Variants in PON2 observed in about 807,000 individuals in gnomAD.
The protein encoded by PON2 is paraoxonase 2.
A neutral mutation model predicts 36.6 loss-of-function variants in PON2; 27 were observed. That is an observed-to-expected ratio of 0.74 (90% confidence interval 0.54 to 1.02). The LOEUF is 1.02. PON2 is among the 50% of genes least tolerant of loss of function. The pLI is 0.00. For missense variants in PON2, 363 were observed against 421.1 expected (o/e 0.86, Z 1.21); for synonymous variants, 149 against 156.3 (o/e 0.95, Z 0.35).
intron 6 of PON2, among the ~76,000 whole-genome samples, chr7:95,409,081 G>A (rs1809789834): frequency 6.6e-6 from 1 of 152,144 alleles, no homozygotes; most frequent in Non-Finnish European, 1.5e-5. Context: ...GGGAGGCTGA[G>A]GTGGGCGGAT....
chr7:95,434,566 C>G (rs914142280), intron 1 of PON2, among the ~76,000 whole-genome samples: 2 of 152,174 alleles, frequency 1.3e-5, no homozygotes, highest in Non-Finnish European at 2.9e-5. Flanking sequence ...CTAGTTTGGC[C>G]CTTGGGTAAT....
intron 3 of PON2, 147 bp from the exon 4 acceptor site, chr7:95,412,624 C>T: frequency 1.3e-6 from 1 of 769,780 alleles, no homozygotes; most frequent in Non-Finnish European, 2.1e-6. Context: ...GAAAAGATAA[C>T]AGAAAAAATA....
In PON2 at chr7:95,405,465, T is replaced by C. The variant is rs111889356; in HGVS notation, c.930A>G (p.Leu310=). ...SSEVLRIQNI[L]SEKPTVTTVY... ...CTGTAGTCACTGTAGGCTTCTCAGA[T>C]AGAATGTTCTGGATGCGGAGAACCT... Residue 310 remains leucine, a synonymous_variant, in exon 9 of 9, where the codon CTA becomes CTG. Transcript: ENST00000222572. 133 of 1,613,234 alleles carry C rather than the reference T, an allele frequency of 8.2e-5. No homozygotes were observed. In the African/African-American group the frequency reaches 1.5e-3, roughly 19 times the overall value.
intron 1 of PON2, among the ~76,000 whole-genome samples, chr7:95,430,407 T>C (rs977354289): frequency 2.0e-5 from 3 of 151,984 alleles, no homozygotes; most frequent in Admixed American, 2.0e-4. Flanking sequence ...TTCAAGTGAT[T>C]CTCCTGCCTC....
chr7:95,413,350 C>T (rs1327182395), intron 3 of PON2, among the ~76,000 whole-genome samples: 2 of 152,054 alleles, frequency 1.3e-5, no homozygotes, highest in Admixed American at 6.6e-5. Context: ...TTCTTTTTCT[C>T]GTTTTACTGA....
At chr7:95,430,934 A>C (rs1787441949) in intron 1 of PON2, among the ~76,000 whole-genome samples, 1 of 149,356 alleles carries the variant, frequency 6.7e-6, no homozygotes, top group Non-Finnish European at 1.5e-5. Context: ...CTGCTCTTTC[A>C]GAAGTAGAAA....
rs755014302 is a variant in PON2, at chr7:95,405,425, C to CA, written c.969dup (p.Gly324TrpfsTer14). 7.4e-6 allele frequency: 12 copies of CA among 1,613,656 alleles called. No homozygotes were observed. The highest frequency in any genetic ancestry group is 3.3e-5 in the Admixed American group (2 of 60,018). ...ACAGAACTTCCTTGGAGAACAGACC[C>CA]ATTGTTGGCATAAACTGTAGTCACT... On this transcript the variant is annotated frameshift_variant, in exon 9 of 9. Coordinates refer to ENST00000222572, the MANE Select transcript of PON2 (RefSeq NM_000305.3). LOFTEE classifies it high-confidence loss of function.
In PON2 at chr7:95,405,110, T is replaced by C. The variant is rs1809642357; in HGVS notation, c.*220A>G. 3.9e-6 allele frequency: 2 copies of C among 518,658 alleles called. No homozygotes were observed. Among genetic ancestry groups the C allele is most frequent in the Non-Finnish European group, 3.5e-6 (1 of 289,786 alleles). 32.1% of individuals were successfully genotyped at this position (518,658 alleles called of 1,614,324 possible). On this transcript the variant is annotated 3_prime_UTR_variant, in exon 9 of 9. Coordinates refer to ENST00000222572, the MANE Select transcript of PON2 (RefSeq NM_000305.3). Reference sequence around the variant, plus strand: ...TGTATTCACTTTATTCGAAAGCAGCTTTCTTTTCTGTCCCTTGCTTGGCAT... The same window carrying C: ...TGTATTCACTTTATTCGAAAGCAGCCTTCTTTTCTGTCCCTTGCTTGGCAT...
chr7:95,434,981 C>T lies in PON2; in HGVS notation c.-30G>A. Reference sequence around the variant, plus strand: ...CGGGAGCCGGGCGCGCTGCCTCGCTCCGGCCTGGCCAGCAGCTCCGTGGGC... The same window carrying T: ...CGGGAGCCGGGCGCGCTGCCTCGCTTCGGCCTGGCCAGCAGCTCCGTGGGC... On this transcript the variant is annotated 5_prime_UTR_variant, in exon 1 of 9. Coordinates refer to ENST00000222572, the MANE Select transcript of PON2 (RefSeq NM_000305.3). 2 of 1,512,220 alleles carry T rather than the reference C, an allele frequency of 1.3e-6. No individual in the cohort carries two copies. The highest frequency in any genetic ancestry group is 1.8e-6 in the Non-Finnish European group (2 of 1,136,412). 93.7% of individuals were successfully genotyped at this position (1,512,220 alleles called of 1,614,324 possible).
chr7:95,424,768 A>G (rs1184310478), intron 1 of PON2, among the ~76,000 whole-genome samples, 183 bp from the exon 2 acceptor site: 6 of 152,218 alleles, frequency 3.9e-5, no homozygotes, highest in African/African-American at 1.4e-4. Flanking sequence ...AAATGAAGTT[A>G]AAACAAAAAT....
chr7:95,434,981 C>A lies in PON2; in HGVS notation c.-30G>T. 1 of 1,512,220 alleles carries A rather than the reference C, an allele frequency of 6.6e-7. No individual in the cohort carries two copies. The highest frequency in any genetic ancestry group is 8.8e-7 in the Non-Finnish European group (1 of 1,136,412). 93.7% of individuals were successfully genotyped at this position (1,512,220 alleles called of 1,614,324 possible). ...CGGGAGCCGGGCGCGCTGCCTCGCT[C>A]CGGCCTGGCCAGCAGCTCCGTGGGC... On this transcript the variant is annotated 5_prime_UTR_variant, in exon 1 of 9. The change creates a premature stop within an existing upstream ORF in the 5' untranslated region. Transcript: ENST00000222572.
In PON2 at chr7:95,406,228, A is replaced by G. The variant is rs550648420; in HGVS notation, c.797T>C (p.Leu266Pro). Residue 266 changes from leucine (L) to proline (P), a missense_variant, in exon 8 of 9, where the codon CTG becomes CCG. Physicochemically the swap from Leu to Pro is moderately conservative, Grantham distance 98. Coordinates refer to ENST00000222572, the MANE Select transcript of PON2 (RefSeq NM_000305.3). ...TQLKVLELDT[L>P]VDNLSIDPSS... ...AGGATCAATAGATAAATTATCCACC[A>G]GTGTATCCAGCTCAAGTACCTTCCA... The G allele has an allele frequency of 3.1e-6, 5 of 1,611,398 alleles. No individual in the cohort carries two copies. Among genetic ancestry groups the G allele is most frequent in the Non-Finnish European group, 4.2e-6 (5 of 1,177,668 alleles).
intron 3 of PON2, chr7:95,412,799 C>T (rs1478569232): frequency 1.6e-5 from 6 of 383,170 alleles, no homozygotes; most frequent in African/African-American, 8.3e-5. Context: ...AATTTGTTCA[C>T]TGCTAGATCC....
chr7:95,417,988 TA>T (rs1204782057), intron 2 of PON2, among the ~76,000 whole-genome samples: 2 of 151,852 alleles, frequency 1.3e-5, no homozygotes, highest in African/African-American at 4.8e-5. Flanking sequence ...AATCTTTTTT[TA>T]AAAAAATACA....
chr7:95,412,443 G>A lies in PON2; in HGVS notation c.236C>T (p.Pro79Leu). The A allele has an allele frequency of 6.2e-7, 1 of 1,613,994 alleles. No individual in the cohort carries two copies. The highest frequency in any genetic ancestry group is 2.2e-5 in the East Asian group (1 of 44,886). The change falls in exon 4 of 9, where the codon CCA (proline) becomes CTA (leucine). Residue 79 changes from proline (P) to leucine (L), a missense_variant. Coordinates refer to ENST00000222572, the MANE Select transcript of PON2 (RefSeq NM_000305.3). ...CATTAGTATTCCTCCAGGCTTATCT[G>A]GTGCAAAGCTGTGGAGTCCTGGGAA... ...LKFPGLHSFA[P>L]DKPGGILMMD...
At chr7:95,419,854 C>G (rs1006476389) in intron 2 of PON2, among the ~76,000 whole-genome samples, 1 of 152,140 alleles carries the variant, frequency 6.6e-6, no homozygotes, top group African/African-American at 2.4e-5. Flanking sequence ...CTACCCTAGG[C>G]CATTCACTTA....
At chr7:95,428,134 C>CA (rs1789357937) in intron 1 of PON2, among the ~76,000 whole-genome samples, 1 of 152,238 alleles carries the variant, frequency 6.6e-6, no homozygotes, top group Admixed American at 6.5e-5. Flanking sequence ...CATTGTTTCG[C>CA]AACCACAGGG....
Position 95,411,643 on chromosome 7 carries a change from G to A in PON2, c.494+10C>T, listed in dbSNP as rs1788926926. 6.2e-7 allele frequency: 1 copy of A among 1,613,820 alleles called. No individual in the cohort carries two copies. Among genetic ancestry groups the A allele is most frequent in the Non-Finnish European group, 8.5e-7 (1 of 1,179,812 alleles). ...GGATAAATTAGAGAAGGAACAAAAT[G>A]AGGAAGTACCTTGGAAGAAGCTCAT... On this transcript the variant is annotated intron_variant, in intron 5 of 8. Coordinates refer to ENST00000222572, the MANE Select transcript of PON2 (RefSeq NM_000305.3).
chr7:95,412,639 C>T (rs761026842), intron 3 of PON2, 162 bp from the exon 4 acceptor site: 12 of 696,888 alleles, frequency 1.7e-5, no homozygotes, highest in Non-Finnish European at 2.7e-5. Context: ...AAAATAATAA[C>T]GGGGAGGTGG....
Sources: gnomAD v4.1 joint callset for allele counts (sites outside exome capture counted in the v4.1 genomes callset) on GRCh38, gnomAD v4.1.1 for gene constraint, MANE v1.5 for transcripts, NCBI Gene and HGNC (gene_info 2026-07-23, HGNC 2026-07-21) for gene names.